The following EDAR variants were observed in gnomAD, a reference collection of about 807,000 sequenced individuals.
EDAR encodes tumor necrosis factor receptor superfamily member EDAR.
EDAR carries 38 observed loss-of-function variants against 51.3 expected under a neutral mutation model. The ratio of observed to expected loss-of-function variants is 0.74; its 90% CI spans 0.57 to 0.97. The LOEUF is 0.97. EDAR is among the 50% of genes least tolerant of loss of function. The pLI is 0.00. For synonymous variants in EDAR, 227 were observed against 242.1 expected (o/e 0.94, Z 0.58); for missense variants, 528 against 595.0 (o/e 0.89, Z 1.17).
intron 11 of EDAR, among the ~76,000 whole-genome samples, chr2:108,903,753 C>T (rs1696747419): frequency 6.6e-6 from 1 of 152,100 alleles, no homozygotes; most frequent in Admixed American, 6.5e-5. Context: ...TCAACTCAAA[C>T]TTAAATGCAA....
chr2:108,950,726 C>T (rs566337670), intron 1 of EDAR, among the ~76,000 whole-genome samples: 62 of 152,306 alleles, frequency 4.1e-4, no homozygotes, highest in Non-Finnish European at 7.4e-4. Context: ...TCCAGTTCTC[C>T]GGGAATCAGA....
rs187279656 is a variant in EDAR at position 108,965,290 on chromosome 2, A to G, written c.-19+23670T>C. On this transcript the variant is annotated intron_variant, in intron 1 of 11. Coordinates refer to ENST00000258443, the MANE Select transcript of EDAR (RefSeq NM_022336.4). ...CAGGAGATCGAGACCATCCTGGCTA[A>G]CATGGTGAAACCCCATCTCTACTAA... Among the ~76,000 whole-genome samples, 31 of 152,226 alleles carry G rather than the reference A, an allele frequency of 2.0e-4. No individual in the cohort carries two copies. In the East Asian group the frequency reaches 6.0e-3, roughly 29 times the overall value.
intron 1 of EDAR, among the ~76,000 whole-genome samples, chr2:108,965,725 G>A (rs1471540207): frequency 6.6e-6 from 1 of 151,988 alleles, no homozygotes; most frequent in African/African-American, 2.4e-5. Context: ...TTTGATGTAG[G>A]AGAGGTGTGA....
chr2:108,896,852 G>C lies in EDAR; in HGVS notation c.*55C>G. 1 of 1,552,180 alleles carries C rather than the reference G, an allele frequency of 6.4e-7. No homozygotes were observed. The highest frequency in any genetic ancestry group is 8.8e-7 in the Non-Finnish European group (1 of 1,140,054). Reference sequence around the variant, plus strand: ...TCTTTTGGCACCACTCACAGCTCCAGAGCCCTCGTTGGCTCCTTGGCTTGT... The same window carrying C: ...TCTTTTGGCACCACTCACAGCTCCACAGCCCTCGTTGGCTCCTTGGCTTGT... On this transcript the variant is annotated 3_prime_UTR_variant, in exon 12 of 12. Coordinates refer to ENST00000258443, the MANE Select transcript of EDAR (RefSeq NM_022336.4).
At chr2:108,956,653 C>A (rs1347718761) in intron 1 of EDAR, among the ~76,000 whole-genome samples, 1 of 152,198 alleles carries the variant, frequency 6.6e-6, no homozygotes, top group Non-Finnish European at 1.5e-5. Context: ...ATCTGCTCAG[C>A]CACCTTCTTA....
intron 1 of EDAR, among the ~76,000 whole-genome samples, chr2:108,945,195 T>A (rs1697692196): frequency 6.6e-6 from 1 of 152,034 alleles, no homozygotes; most frequent in African/African-American, 2.4e-5. Context: ...CCAGCTTGGG[T>A]GGGGGCGAGC....
intron 1 of EDAR, among the ~76,000 whole-genome samples, chr2:108,935,855 G>A (rs1043876689): frequency 1.3e-5 from 2 of 152,182 alleles, no homozygotes; most frequent in Non-Finnish European, 2.9e-5. Context: ...TTATATACAA[G>A]TTTGGCCCCC....
intron 1 of EDAR, among the ~76,000 whole-genome samples, chr2:108,934,539 A>G (rs537364585): frequency 6.6e-6 from 1 of 152,314 alleles, no homozygotes; most frequent in East Asian, 1.9e-4. Flanking sequence ...GCTAGAACAG[A>G]ATACCACGGA....
intron 1 of EDAR, among the ~76,000 whole-genome samples, chr2:108,965,090 T>C (rs1698122803): frequency 6.6e-6 from 1 of 152,034 alleles, no homozygotes; most frequent in Non-Finnish European, 1.5e-5. Context: ...GAAAAGTGTG[T>C]GTGCACGCAA....
intron 1 of EDAR, among the ~76,000 whole-genome samples, chr2:108,955,384 C>A (rs1028342814): frequency 6.6e-6 from 1 of 152,198 alleles, no homozygotes; most frequent in Non-Finnish European, 1.5e-5. Flanking sequence ...GAAATAAAAT[C>A]ATAACCCATT....
At chr2:108,933,009 G>A (rs1203550684) in intron 1 of EDAR, among the ~76,000 whole-genome samples, 1 of 152,152 alleles carries the variant, frequency 6.6e-6, no homozygotes, top group Admixed American at 6.5e-5. Context: ...GCAGAATCCT[G>A]GCAGGGCCTT....
In EDAR at chr2:108,963,965, C is replaced by T. The variant is rs561791353; in HGVS notation, c.-19+24995G>A. Among the ~76,000 whole-genome samples the T allele has an allele frequency of 7.8e-4, 119 of 152,318 alleles. 1 individual carries two copies. The highest frequency in any genetic ancestry group is 1.3e-3 in the Non-Finnish European group (90 of 68,026). On this transcript the variant is annotated intron_variant, in intron 1 of 11. Coordinates refer to ENST00000258443, the MANE Select transcript of EDAR (RefSeq NM_022336.4). ...CTGGACTCACTTCTTGGACCATTTT[C>T]CTCAACCATCAGCTGAGGCAGCTGA...
chr2:108,927,170 C>A (rs940478167), intron 4 of EDAR, among the ~76,000 whole-genome samples: 1 of 152,186 alleles, frequency 6.6e-6, no homozygotes, highest in Non-Finnish European at 1.5e-5. Flanking sequence ...CGAAGGCACT[C>A]TGAGGCACGT....
intron 1 of EDAR, among the ~76,000 whole-genome samples, chr2:108,939,957 G>A (rs1697560481): frequency 6.6e-6 from 1 of 152,216 alleles, no homozygotes; most frequent in Admixed American, 6.5e-5. Context: ...ACGTGTCTCA[G>A]TGACGCTGAT....
chr2:108,965,901 A>G (rs5021634), intron 1 of EDAR, among the ~76,000 whole-genome samples: 101,404 of 151,814 alleles, frequency 0.67, 38,341 homozygotes, highest in Non-Finnish European at 0.87. Flanking sequence ...AGGCAAAGAA[A>G]TATTTCCTGA....
chr2:108,983,065 C>T (rs917267032), intron 1 of EDAR, among the ~76,000 whole-genome samples: 13 of 152,144 alleles, frequency 8.5e-5, no homozygotes, highest in African/African-American at 2.4e-4. Context: ...GCAAATCTAC[C>T]GATGCACAAT....
chr2:108,954,777 G>C (rs543501668), intron 1 of EDAR, among the ~76,000 whole-genome samples: 220 of 151,956 alleles, frequency 1.4e-3, no homozygotes, highest in African/African-American at 5.3e-3. Flanking sequence ...CCAGGTTCAA[G>C]CGATTCTCCT....
At chr2:108,948,259 T>C (rs1369427457) in intron 1 of EDAR, among the ~76,000 whole-genome samples, 1 of 152,224 alleles carries the variant, frequency 6.6e-6, no homozygotes, top group Admixed American at 6.5e-5. Context: ...ATTGTCCATA[T>C]CACTATTGGC....
At chr2:108,956,978 C>T (rs544576117) in intron 1 of EDAR, among the ~76,000 whole-genome samples, 25 of 152,220 alleles carry the variant, frequency 1.6e-4, no homozygotes, top group African/African-American at 3.9e-4. Context: ...TTAGTAGAGA[C>T]GGGGTTTCTC....
Sources: gnomAD v4.1 joint callset for allele counts (sites outside exome capture counted in the v4.1 genomes callset) on GRCh38, gnomAD v4.1.1 for gene constraint, MANE v1.5 for transcripts, NCBI Gene and HGNC (gene_info 2026-07-23, HGNC 2026-07-21) for gene names.